BCL11A: variants seen among roughly 807,000 people sequenced by gnomAD.
BCL11A encodes B cell CLL/lymphoma 11A.
Under a neutral mutation model 55.9 loss-of-function variants are expected in BCL11A, and 2 were observed. The ratio of observed to expected loss-of-function variants is 0.04; its 90% CI spans 0.01 to 0.11. The LOEUF is 0.11. Ranked by LOEUF, BCL11A falls within the 10% of genes least tolerant of loss-of-function variation. The probability of loss-of-function intolerance (pLI) is 1.00; values close to 1 mark genes in which losing one functional copy is unlikely to be tolerated. For synonymous variants in BCL11A, 465 were observed against 473.4 expected (o/e 0.98, Z 0.23); for missense variants, 817 against 1,137.1 (o/e 0.72, Z 4.05).
chr2:60,467,138 T>TGGTGGTGATGATGGTGGTGG (rs1676687968), intron 3 of BCL11A, among the ~76,000 whole-genome samples: 4 of 61,754 alleles, frequency 6.5e-5, no homozygotes, highest in East Asian at 5.1e-4. Context: ...GATGGTGGTG[T>TGGTGGTGATGATGGTGGTGG]TGGTGGTGAT....
chr2:60,467,990 GTAA>G lies in BCL11A; in HGVS notation c.487+739_487+741del, dbSNP rs376328552. Among the ~76,000 whole-genome samples, 8 of 65,024 alleles carry G rather than the reference GTAA, an allele frequency of 1.2e-4. 1 individual carries two copies. Among genetic ancestry groups the G allele is most frequent in the African/African-American group, 2.6e-4 (4 of 15,414 alleles). The allele number at this position is 65,024 out of a possible 152,430, so 42.7% of individuals were successfully genotyped here. A position where few individuals can be genotyped will look rare whatever the true frequency, so the allele number is the denominator to read the frequency against. On this transcript the variant is annotated intron_variant, in intron 3 of 3. Transcript: ENST00000642384. ...GGTGGTGGTGGTAGTGATGGTGGTG[GTAA>G]TGGTGGTGGTGGTGATGGTGGTGGT...
intron 2 of BCL11A, chr2:60,524,966 G>T (rs913867158): frequency 6.6e-6 from 1 of 152,142 alleles, no homozygotes; most frequent in South Asian, 2.1e-4. Context: ...TTACCTACAT[G>T]ATGAATAAAA....
intron 2 of BCL11A, chr2:60,496,632 C>T (rs940775552): frequency 6.6e-6 from 1 of 152,604 alleles, no homozygotes; most frequent in African/African-American, 2.4e-5. Flanking sequence ...CTTGTACAAC[C>T]CTCTCTCCTC....
intron 2 of BCL11A, chr2:60,542,689 G>T (rs1053784016): frequency 6.6e-6 from 1 of 152,128 alleles, no homozygotes; most frequent in Non-Finnish European, 1.5e-5. Context: ...TGAAGTGGGG[G>T]AGCACATACC....
chr2:60,450,909 T>C (rs148791386), downstream of BCL11A: 34 of 155,854 alleles, frequency 2.2e-4, 1 homozygote, highest in East Asian at 5.8e-3. Flanking sequence ...TGAACATTTA[T>C]GACTTATGTG....
At chr2:60,550,561 G>C (rs1670365562) in intron 1 of BCL11A, among the ~76,000 whole-genome samples, 1 of 151,922 alleles carries the variant, frequency 6.6e-6, no homozygotes, top group African/African-American at 2.4e-5. Context: ...GCAGAGGCGG[G>C]GGGCGGGGGG....
At chr2:60,523,323 T>C (rs907887369) in intron 2 of BCL11A, among the ~76,000 whole-genome samples, 1 of 152,240 alleles carries the variant, frequency 6.6e-6, no homozygotes, top group Non-Finnish European at 1.5e-5. Context: ...TTTGCCACTA[T>C]GATCCTCAAT....
chr2:60,488,263 C>T (rs1678402414), intron 2 of BCL11A, among the ~76,000 whole-genome samples: 1 of 152,172 alleles, frequency 6.6e-6, no homozygotes, highest in Non-Finnish European at 1.5e-5. Context: ...ACAATGTCTC[C>T]AAGAATTCAG....
In BCL11A at chr2:60,460,742, G is replaced by A; in HGVS notation, c.2170C>T (p.His724Tyr). Residue 724 changes from histidine to tyrosine, a missense_variant, in exon 4 of 4, where the codon CAT (histidine) becomes TAT (tyrosine). By Grantham distance (83) the His-to-Tyr change is moderately conservative (BLOSUM62 2). Coordinates refer to ENST00000642384, the MANE Select transcript of BCL11A (RefSeq NM_022893.4). ...CTGCCCGGGCCCGGACCACTAATAT[G>A]GGGCGTGCTCCCTCCACTTCCCGTG... ...SGTGSGGSTP[H>Y]ISGPGPGRPS... The A allele has an allele frequency of 6.2e-7, 1 of 1,614,068 alleles. No individual in the cohort carries two copies. Among genetic ancestry groups the A allele is most frequent in the Non-Finnish European group, 8.5e-7 (1 of 1,180,040 alleles).
chr2:60,474,186 G>A (rs1677380428), intron 2 of BCL11A, among the ~76,000 whole-genome samples: 1 of 152,080 alleles, frequency 6.6e-6, no homozygotes, highest in Non-Finnish European at 1.5e-5. Flanking sequence ...CTCAATAAAG[G>A]GAGGAAGTAG....
At chr2:60,501,021 C>G (rs75468792) in intron 2 of BCL11A, among the ~76,000 whole-genome samples, 3,781 of 152,312 alleles carry the variant, frequency 0.025, 144 homozygotes, top group African/African-American at 0.086. Flanking sequence ...GAACCCTGAA[C>G]TGCTCAGCCG....
At chr2:60,499,144 C>G (rs1479823957) in intron 2 of BCL11A, among the ~76,000 whole-genome samples, 1 of 152,242 alleles carries the variant, frequency 6.6e-6, no homozygotes, top group African/African-American at 2.4e-5. Context: ...CTGCCATTAT[C>G]TTCTCTGGTC....
chr2:60,491,957 T>C (rs568819762), intron 2 of BCL11A, among the ~76,000 whole-genome samples: 1 of 152,170 alleles, frequency 6.6e-6, no homozygotes, highest in South Asian at 2.1e-4. Flanking sequence ...ACCTTGGAAA[T>C]TGAGAGGGAA....
chr2:60,547,745 T>C (rs1670221230), intron 1 of BCL11A, among the ~76,000 whole-genome samples: 1 of 152,132 alleles, frequency 6.6e-6, no homozygotes, highest in Non-Finnish European at 1.5e-5. Flanking sequence ...TGAACTCAGG[T>C]TAAATTTATT....
chr2:60,463,368 A>T (rs965551603), intron 3 of BCL11A, among the ~76,000 whole-genome samples: 2 of 152,236 alleles, frequency 1.3e-5, no homozygotes, highest in African/African-American at 4.8e-5. Flanking sequence ...AGGCTGAGAA[A>T]TGCTACACTA....
intron 2 of BCL11A, among the ~76,000 whole-genome samples, chr2:60,486,349 C>T (rs890022450): frequency 1.3e-5 from 2 of 152,246 alleles, no homozygotes; most frequent in Non-Finnish European, 2.9e-5. Context: ...GCCTCCTTCT[C>T]ACACAATGAG....
At chr2:60,519,117 A>AGTACACCAG (rs1368789139) in intron 2 of BCL11A, among the ~76,000 whole-genome samples, 1 of 152,178 alleles carries the variant, frequency 6.6e-6, no homozygotes, top group Non-Finnish European at 1.5e-5. Flanking sequence ...TACCAAACCA[A>AGTACACCAG]GAAGCTTCTT....
At position 60,461,922 on chromosome 2, in the gene BCL11A, C is replaced by T. The variant is rs747182714; in HGVS notation, c.990G>A (p.Pro330=). The part of the protein sequence containing the change: ...RELAGNTSSP[P]LSPGRPSPMQ... ...TAGGGCTGGGCCGGCCTGGGGACAG[C>T]GGTGGGCTAGACGTGTTCCCTGCCA... The change falls in exon 4 of 4, where the codon CCG becomes CCA. Residue 330 remains proline (P), a synonymous_variant. Coordinates refer to ENST00000642384, the MANE Select transcript of BCL11A (RefSeq NM_022893.4). The T allele has an allele frequency of 6.2e-7, 1 of 1,614,108 alleles. No individual in the cohort carries two copies. The highest frequency in any genetic ancestry group is 8.5e-7 in the Non-Finnish European group (1 of 1,180,000).
At chr2:60,510,348 G>C (rs762754203) in intron 2 of BCL11A, among the ~76,000 whole-genome samples, 1 of 151,998 alleles carries the variant, frequency 6.6e-6, no homozygotes, top group African/African-American at 2.4e-5. Flanking sequence ...GTAGCCAGGC[G>C]TATTACACAC....
Sources: gnomAD v4.1 joint callset for allele counts (sites outside exome capture counted in the v4.1 genomes callset) on GRCh38, gnomAD v4.1.1 for gene constraint, MANE v1.5 for transcripts, NCBI Gene and HGNC (gene_info 2026-07-23, HGNC 2026-07-21) for gene names.